RSPRY1: variants seen among roughly 807,000 people sequenced by gnomAD.
RSPRY1 encodes the protein RING finger and SPRY domain-containing protein 1.
A neutral mutation model predicts 73.1 loss-of-function variants in RSPRY1; 23 were observed. The ratio of observed to expected loss-of-function variants is 0.31; its 90% confidence interval spans 0.23 to 0.45. RSPRY1 has a LOEUF of 0.45. RSPRY1 is among the 20% of genes least tolerant of loss of function. The pLI is 1.00. For synonymous variants in RSPRY1, 226 were observed against 251.4 expected (o/e 0.90, Z 0.95); for missense variants, 448 against 698.7 (o/e 0.64, Z 4.05).
At chr16:57,236,954 C>G (rs1453286769) in intron 14 of RSPRY1, among the ~76,000 whole-genome samples, 1 of 151,966 alleles carries the variant, frequency 6.6e-6, no homozygotes, top group African/African-American at 2.4e-5. Context: ...ATCACAAGGC[C>G]AGGAGTTTGA....
At chr16:57,234,209 C>G (rs2075268861) in intron 13 of RSPRY1, among the ~76,000 whole-genome samples, 1 of 152,152 alleles carries the variant, frequency 6.6e-6, no homozygotes, top group African/African-American at 2.4e-5. Context: ...ACTTGCTGTT[C>G]CTGCTACCCG....
chr16:57,195,892 C>G (rs574483840), intron 1 of RSPRY1, among the ~76,000 whole-genome samples: 5 of 151,450 alleles, frequency 3.3e-5, no homozygotes, highest in African/African-American at 1.2e-4. Flanking sequence ...CGTGGTGGCA[C>G]GCACCTGTAG....
intron 13 of RSPRY1, among the ~76,000 whole-genome samples, chr16:57,231,632 AT>A (rs1381922759): frequency 1.2e-4 from 18 of 152,232 alleles, no homozygotes; most frequent in African/African-American, 4.3e-4. Flanking sequence ...ACACTTTCAA[AT>A]TTTTTTTGTG....
chr16:57,213,789 T>G, intron 5 of RSPRY1, 99 bp from the exon 6 acceptor site: 1 of 875,744 alleles, frequency 1.1e-6, no homozygotes, highest in Non-Finnish European at 1.9e-6. Flanking sequence ...AATAAGATAA[T>G]GTGCATGAAA....
upstream of RSPRY1, chr16:57,186,183 T>C (rs1344146188): frequency 4.1e-6 from 4 of 985,714 alleles, no homozygotes; most frequent in South Asian, 4.7e-5. Context: ...CTGGCCAGTC[T>C]GCGCCTGGAG....
chr16:57,188,822 G>A (rs1168850528), intron 1 of RSPRY1, among the ~76,000 whole-genome samples: 1 of 152,070 alleles, frequency 6.6e-6, no homozygotes, highest in Non-Finnish European at 1.5e-5. Flanking sequence ...GCCTTTCGAA[G>A]TAATTTTTGT....
chr16:57,197,780 A>G (rs750293863), intron 1 of RSPRY1, among the ~76,000 whole-genome samples: 3 of 152,104 alleles, frequency 2.0e-5, no homozygotes, highest in Non-Finnish European at 4.4e-5. Flanking sequence ...CTGGAATGCA[A>G]TGACACCATT....
At chr16:57,217,118 G>A in intron 8 of RSPRY1, 83 bp downstream of exon 8, 1 of 1,512,390 alleles carries the variant, frequency 6.6e-7, no homozygotes, top group Non-Finnish European at 9.2e-7. Context: ...TCTTCCTTTT[G>A]CAATGGTAAG....
chr16:57,237,577 A>G (rs2075318315), intron 14 of RSPRY1, among the ~76,000 whole-genome samples: 1 of 152,240 alleles, frequency 6.6e-6, no homozygotes, highest in Non-Finnish European at 1.5e-5. Context: ...ATACTACAAA[A>G]CAGAAATGAA....
chr16:57,230,867 C>T, intron 12 of RSPRY1, 54 bp downstream of exon 12: 1 of 1,021,474 alleles, frequency 9.8e-7, no homozygotes. Context: ...ATGCCCTTTT[C>T]TCTAGGAAAA....
chr16:57,214,111 T>C (rs1567502519), intron 6 of RSPRY1, among the ~76,000 whole-genome samples, 165 bp downstream of exon 6: 1 of 152,226 alleles, frequency 6.6e-6, no homozygotes, highest in Non-Finnish European at 1.5e-5. Flanking sequence ...TTCCCTCCTA[T>C]GTTTAAAAAA....
chr16:57,226,166 AT>A (rs2075118042), intron 10 of RSPRY1, among the ~76,000 whole-genome samples: 1 of 152,252 alleles, frequency 6.6e-6, no homozygotes, highest in South Asian at 2.1e-4. Context: ...AGTGTCCACT[AT>A]AACCTTTCTC....
At chr16:57,205,257 A>T (rs993378111) in intron 2 of RSPRY1, 13 of 473,770 alleles carry the variant, frequency 2.7e-5, no homozygotes, top group Admixed American at 2.7e-4. Flanking sequence ...TAAAGCTATG[A>T]TCTTTATTAG....
intron 2 of RSPRY1, among the ~76,000 whole-genome samples, chr16:57,205,531 C>G (rs1445387601): frequency 6.6e-6 from 1 of 152,208 alleles, no homozygotes; most frequent in Non-Finnish European, 1.5e-5. Context: ...TCAGTTGATA[C>G]TGCAAGGCAC....
chr16:57,235,277 A>C (rs2075284100), intron 14 of RSPRY1, 49 bp downstream of exon 14: 2 of 1,320,948 alleles, frequency 1.5e-6, no homozygotes, highest in African/African-American at 2.9e-5. Flanking sequence ...TTAAATTGCT[A>C]GTTCCATGGC....
chr16:57,195,297 A>C (rs1324661969), intron 1 of RSPRY1, among the ~76,000 whole-genome samples: 2 of 151,974 alleles, frequency 1.3e-5, no homozygotes, highest in Non-Finnish European at 2.9e-5. Context: ...AGATCACCTG[A>C]GATCAGGAGT....
At chr16:57,191,379 C>T (rs1168003271) in intron 1 of RSPRY1, among the ~76,000 whole-genome samples, 3 of 152,182 alleles carry the variant, frequency 2.0e-5, no homozygotes, top group Non-Finnish European at 2.9e-5. Context: ...ATTACTAAAA[C>T]ATGGTATTCA....
chr16:57,205,392 T>G (rs1651755342), intron 2 of RSPRY1: 1 of 188,066 alleles, frequency 5.3e-6, no homozygotes, highest in Non-Finnish European at 1.1e-5. Context: ...GTAAGTTGTT[T>G]TACCAAGAAC....
intron 1 of RSPRY1, among the ~76,000 whole-genome samples, chr16:57,198,490 A>G (rs149148176): frequency 6.6e-6 from 1 of 152,304 alleles, no homozygotes; most frequent in East Asian, 1.9e-4. Flanking sequence ...AGATCCAACA[A>G]ACCTCTTTTT....
Sources: gnomAD v4.1 joint callset for allele counts (sites outside exome capture counted in the v4.1 genomes callset) on GRCh38, gnomAD v4.1.1 for gene constraint, MANE v1.5 for transcripts, NCBI Gene and HGNC (gene_info 2026-07-23, HGNC 2026-07-21) for gene names.